Variants in RNASE4 observed in about 807,000 individuals in gnomAD.
The protein encoded by RNASE4 is ribonuclease A family member 4.
For missense variants in RNASE4, 194 were observed against 192.8 expected, an observed-to-expected ratio of 1.01 and a Z score of -0.04; for synonymous variants, 93 against 71.4, an observed-to-expected ratio of 1.30 and a Z score of -1.52.
rs1352149771 is a variant in RNASE4 at position 20,699,466 on chromosome 14, T to C, written c.95T>C (p.Met32Thr). 4 of 1,614,074 alleles carry C rather than the reference T, an allele frequency of 2.5e-6. No individual in the cohort carries two copies. The South Asian group carries it at 3.3e-5, about 13-fold the overall frequency. Reference protein sequence around the residue: ...LVQPSYGQDGMYQRFLRQHVH... With the variant: ...LVQPSYGQDGTYQRFLRQHVH... ...CAGCCCTCCTATGGCCAGGATGGCA[T>C]GTACCAGCGATTCCTGCGGCAACAC... The change falls in exon 2 of 2, where the codon ATG becomes ACG. Residue 32 changes from methionine (M) to threonine (T), a missense_variant. Transcript: ENST00000555835.
In RNASE4 at chr14:20,699,549, C is replaced by T. The variant is rs376084203; in HGVS notation, c.178C>T (p.Arg60Trp). 1.8e-5 allele frequency: 29 copies of T among 1,614,074 alleles called. No homozygotes were observed. The highest frequency in any genetic ancestry group is 3.3e-4 in the Middle Eastern group (2 of 6,084). Reference protein sequence around the residue: ...DRYCNLMMQRRKMTLYHCKRF... With the variant: ...DRYCNLMMQRWKMTLYHCKRF... ...CTACTGCAACTTGATGATGCAAAGA[C>T]GGAAGATGACTTTGTATCACTGCAA... is the stretch of plus-strand genomic sequence containing the variant. Residue 60 changes from arginine to tryptophan, a missense_variant, in exon 2 of 2, where the codon CGG (arginine) becomes TGG (tryptophan). Coordinates refer to ENST00000555835, the MANE Select transcript of RNASE4 (RefSeq NM_002937.5).
chr14:20,694,318 G>C (rs1321262576), intron 1 of RNASE4: 2 of 183,350 alleles, frequency 1.1e-5, no homozygotes, highest in Non-Finnish European at 1.8e-5. Context: ...TTTTTTTTTT[G>C]AGATGGAGTC....
chr14:20,695,415 G>T (rs930277105), intron 1 of RNASE4, among the ~76,000 whole-genome samples: 2 of 141,394 alleles, frequency 1.4e-5, no homozygotes, highest in Non-Finnish European at 3.1e-5. Context: ...AAAAAAGAAA[G>T]ATCCCAGTTT....
chr14:20,686,167 T>C (rs1418158964), intron 1 of RNASE4, among the ~76,000 whole-genome samples: 2 of 151,912 alleles, frequency 1.3e-5, no homozygotes, highest in South Asian at 2.1e-4. Flanking sequence ...ATATGAGGGG[T>C]GGACAGAGTC....
chr14:20,686,834 A>C (rs1042027466), intron 1 of RNASE4, among the ~76,000 whole-genome samples: 3 of 152,238 alleles, frequency 2.0e-5, no homozygotes, highest in African/African-American at 7.2e-5. Flanking sequence ...GAAATTATTT[A>C]GTCCATTCTT....
intron 1 of RNASE4, among the ~76,000 whole-genome samples, chr14:20,695,136 G>A (rs960466940): frequency 2.2e-4 from 33 of 152,112 alleles, no homozygotes; most frequent in African/African-American, 6.8e-4. Flanking sequence ...TGTGGCTCAC[G>A]CCTGTAATCC....
intron 1 of RNASE4, among the ~76,000 whole-genome samples, chr14:20,685,764 C>T (rs960175500): frequency 2.0e-5 from 3 of 151,996 alleles, no homozygotes; most frequent in African/African-American, 7.2e-5. Context: ...TGTGTGGGCC[C>T]GGCACGGTGG....
At chr14:20,685,464 G>A (rs1010460) in intron 1 of RNASE4, among the ~76,000 whole-genome samples, 65,145 of 151,516 alleles carry the variant, frequency 0.43, 13,981 homozygotes, top group Middle Eastern at 0.52. Context: ...AATGTAATCA[G>A]TAGAAACCCA....
rs904150177 is a variant in RNASE4 at position 20,688,338 on chromosome 14, C to T, written c.-18+3580C>T. Among the ~76,000 whole-genome samples, 9 of 152,048 alleles carry T rather than the reference C, an allele frequency of 5.9e-5. No individual in the cohort carries two copies. The East Asian group carries it at 7.7e-4, about 13-fold the overall frequency. On this transcript the variant is annotated intron_variant, in intron 1 of 1. Transcript: ENST00000555835. ...GTTCATGAAACCAAATGATGTGATA[C>T]GATAAATAGGATGTGATATGATAAA...
intron 1 of RNASE4, among the ~76,000 whole-genome samples, chr14:20,690,244 A>AAAAG (rs1796867428): frequency 3.3e-5 from 5 of 149,846 alleles, no homozygotes; most frequent in African/African-American, 9.8e-5. Flanking sequence ...AAAAAAAAAA[A>AAAAG]AAAAGAAAAG....
chr14:20,698,806 A>G (rs898457084), intron 1 of RNASE4: 1 of 152,262 alleles, frequency 6.6e-6, no homozygotes, highest in African/African-American at 2.4e-5. Flanking sequence ...AAGAAAAACA[A>G]TAGTCATGTG....
intron 1 of RNASE4, among the ~76,000 whole-genome samples, chr14:20,698,272 C>G (rs1352724752): frequency 1.3e-5 from 2 of 151,918 alleles, no homozygotes; most frequent in African/African-American, 4.8e-5. Context: ...AGACAGACAG[C>G]TACCAACAAC....
At chr14:20,685,278 A>C (rs1006774847) in intron 1 of RNASE4, among the ~76,000 whole-genome samples, 2 of 152,170 alleles carry the variant, frequency 1.3e-5, no homozygotes, top group African/African-American at 4.8e-5. Flanking sequence ...TCCTACTGGA[A>C]GGTTGGGATC....
intron 1 of RNASE4, chr14:20,694,175 T>C: frequency 1.3e-6 from 1 of 748,410 alleles, no homozygotes; most frequent in South Asian, 1.7e-5. Context: ...AATGTCTTGA[T>C]ATCAGTAAGA....
chr14:20,698,068 G>A (rs17242790), intron 1 of RNASE4, among the ~76,000 whole-genome samples: 5,471 of 152,268 alleles, frequency 0.036, 233 homozygotes, highest in East Asian at 0.18. Flanking sequence ...GTAGATAGTG[G>A]AAAGAGCACA....
chr14:20,693,982 GATCA>G, intron 1 of RNASE4: 1 of 1,614,058 alleles, frequency 6.2e-7, no homozygotes. Flanking sequence ...TGTCCACTTG[GATCA>G]GTCAATTTTC....
At chr14:20,689,359 G>A (rs1886584352) in intron 1 of RNASE4, among the ~76,000 whole-genome samples, 1 of 152,220 alleles carries the variant, frequency 6.6e-6, no homozygotes, top group African/African-American at 2.4e-5. Context: ...AGGGAAGAAG[G>A]AAGGAAAAGC....
intron 1 of RNASE4, chr14:20,688,901 A>G (rs1039744911): frequency 2.5e-5 from 24 of 972,754 alleles, no homozygotes; most frequent in East Asian, 2.3e-4. Flanking sequence ...TTTGTTTTAT[A>G]TATTATTTCT....
In RNASE4 at chr14:20,693,407, A is replaced by G. The variant is rs570775661; in HGVS notation, c.-17-5948A>G. Reference sequence around the variant, plus strand: ...TTGACGAAGTGTGAGGTTAATGAGGAAGGGAAAATAGAATATAAAATTTGG... The same window carrying G: ...TTGACGAAGTGTGAGGTTAATGAGGGAGGGAAAATAGAATATAAAATTTGG... On this transcript the variant is annotated intron_variant, in intron 1 of 1. Coordinates refer to ENST00000555835, the MANE Select transcript of RNASE4 (RefSeq NM_002937.5). The G allele has an allele frequency of 4.5e-5, 50 of 1,120,658 alleles. 1 individual carries two copies. The Middle Eastern group carries it at 1.2e-3, about 26-fold the overall frequency. 69.4% of individuals were successfully genotyped at this position (1,120,658 alleles called of 1,614,324 possible).
Sources: gnomAD v4.1 joint callset for allele counts (sites outside exome capture counted in the v4.1 genomes callset) on GRCh38, gnomAD v4.1.1 for gene constraint, MANE v1.5 for transcripts, NCBI Gene and HGNC (gene_info 2026-07-23, HGNC 2026-07-21) for gene names.